The following SCARF1 variants were observed in gnomAD, a reference collection of about 807,000 sequenced individuals.
SCARF1 encodes scavenger receptor class F member 1.
Under a neutral mutation model 76.3 loss-of-function variants are expected in SCARF1, and 49 were observed. The observed-to-expected ratio is 0.64, with a 90% CI of 0.51 to 0.81. The LOEUF (loss-of-function observed/expected upper bound fraction) is 0.81, where lower values mean the gene tolerates loss of function less well. Among genes scored for constraint, SCARF1 ranks in the 40% least tolerant of loss-of-function variants. SCARF1 has a pLI of 0.00. For synonymous variants in SCARF1, 495 were observed against 474.6 expected (o/e 1.04, Z -0.56); for missense variants, 1,098 against 1,143.9 (o/e 0.96, Z 0.58).
At position 1,643,691 on chromosome 17, in the gene SCARF1, C is replaced by A; in HGVS notation, c.542G>T (p.Cys181Phe). 6.9e-7 allele frequency: 1 copy of A among 1,449,556 alleles called. No homozygotes were observed. The allele number at this position is 1,449,556 out of a possible 1,614,324, so 89.8% of individuals were successfully genotyped here. A position where few individuals can be genotyped will look rare whatever the true frequency, so the allele number is the denominator to read the frequency against. The change falls in exon 4 of 11, where the codon TGC becomes TTC. Residue 181 changes from cysteine to phenylalanine, a missense_variant. Transcript: ENST00000263071. Reference protein sequence around the residue: ...RCEQATGACVCKPGWWGRRCS... With the variant: ...RCEQATGACVFKPGWWGRRCS... ...GCGGCGCCCCCACCAGCCCGGCTTGCACACGCAGGCGCCCGTGGCCTGCTC... is the reference window on the plus strand; with the variant it reads ...GCGGCGCCCCCACCAGCCCGGCTTGAACACGCAGGCGCCCGTGGCCTGCTC...
chr17:1,645,297 A>G lies in SCARF1; in HGVS notation c.102-58T>C. ...TGGGGGGTGCAGCCTGGCCCTGAGG[A>G]AGGTGGATCACTGTCTCTGGCTGCA... On this transcript the variant is annotated intron_variant, in intron 1 of 10. Transcript: ENST00000263071. The surrounding 1 kb of genome is among the most constrained non-coding windows in gnomAD (Gnocchi z 6.3). The G allele has an allele frequency of 6.3e-7, 1 of 1,592,198 alleles. No individual in the cohort carries two copies. Among genetic ancestry groups the G allele is most frequent in the Non-Finnish European group, 8.6e-7 (1 of 1,168,128 alleles).
Position 1,644,693 on chromosome 17 carries a change from G to C in SCARF1, c.265+141C>G. ...GAGTGTGTGTCACTTCCTGTCTCTG[G>C]ACCGCAATTCCTCAGTGAAGCTGGG... On this transcript the variant is annotated intron_variant, in intron 3 of 10. Transcript: ENST00000263071. This position sits in a 1 kb window ranked among gnomAD's most constrained non-coding sequence, Gnocchi z 4.8. 1.3e-6 allele frequency: 1 copy of C among 787,742 alleles called. No homozygotes were observed. The highest frequency in any genetic ancestry group is 2.1e-6 in the Non-Finnish European group (1 of 486,358). The allele number at this position is 787,742 out of a possible 1,614,324, so 48.8% of individuals were successfully genotyped here. A position where few individuals can be genotyped will look rare whatever the true frequency, so the allele number is the denominator to read the frequency against.
At chr17:1,643,246 C>T (rs1221058182) in intron 4 of SCARF1, 196 bp downstream of exon 4, 1 of 64,990 alleles carries the variant, frequency 1.5e-5, no homozygotes, top group Non-Finnish European at 2.7e-5. Flanking sequence ...CCTCCCCGCC[C>T]ACCGGTGTCC....
At position 1,635,350 on chromosome 17, in the gene SCARF1, T is replaced by C. The variant is rs953477959; in HGVS notation, c.1901A>G (p.Glu634Gly). Residue 634 changes from glutamate to glycine, a missense_variant, in exon 11 of 11, where the codon GAG (glutamate) becomes GGG (glycine). By Grantham distance (98) the Glu-to-Gly change is moderately conservative. Coordinates refer to ENST00000263071, the MANE Select transcript of SCARF1 (RefSeq NM_003693.4). ...QSGPEGREAE[E>G]STGPEEAEAP... is the part of the protein sequence containing the mutation. ...TTCTGCTTCCTCTGGGCCTGTGGAC[T>C]CTTCGGCTTCCCGGCCCTCAGGACC... 6.2e-7 allele frequency: 1 copy of C among 1,613,024 alleles called. No individual in the cohort carries two copies. Among genetic ancestry groups the C allele is most frequent in the Non-Finnish European group, 8.5e-7 (1 of 1,179,482 alleles).
In SCARF1 at chr17:1,634,689, C is replaced by T. The variant is rs898325284; in HGVS notation, c.*69G>A. ...GGCTCTGGTTTGTCTGTCCTGGCCC[C>T]GGGATCATTTTCCAGCACACAGCAC... On this transcript the variant is annotated 3_prime_UTR_variant, in exon 11 of 11. Coordinates refer to ENST00000263071, the MANE Select transcript of SCARF1 (RefSeq NM_003693.4). 1.3e-6 allele frequency: 2 copies of T among 1,501,486 alleles called. No individual in the cohort carries two copies. The highest frequency in any genetic ancestry group is 1.8e-4 in the Middle Eastern group (1 of 5,590). The allele number at this position is 1,501,486 out of a possible 1,614,324, so 93.0% of individuals were successfully genotyped here.
rs146187410 is a variant in SCARF1 at position 1,640,121 on chromosome 17, G to T, written c.1011-81C>A. On this transcript the variant is annotated intron_variant, in intron 5 of 10. Transcript: ENST00000263071. The surrounding 1 kb of genome is among the most constrained non-coding windows in gnomAD (Gnocchi z 4.7). ...GTGGGGCCCCACCCCTCCGCCCCACGCTCCTGGACTCAAGGACCCAACTGG... is the reference window on the plus strand; with the variant it reads ...GTGGGGCCCCACCCCTCCGCCCCACTCTCCTGGACTCAAGGACCCAACTGG... 1 of 1,512,076 alleles carries T rather than the reference G, an allele frequency of 6.6e-7. No homozygotes were observed. The highest frequency in any genetic ancestry group is 9.0e-7 in the Non-Finnish European group (1 of 1,117,294). The allele number at this position is 1,512,076 out of a possible 1,614,324, so 93.7% of individuals were successfully genotyped here. A position where few individuals can be genotyped will look rare whatever the true frequency, so the allele number is the denominator to read the frequency against.
Position 1,640,173 on chromosome 17 carries a change from G to T in SCARF1, c.1011-133C>A, listed in dbSNP as rs1041181112. 15 of 1,086,766 alleles carry T rather than the reference G, an allele frequency of 1.4e-5. No individual in the cohort carries two copies. In the Admixed American group the frequency reaches 3.0e-4, roughly 22 times the overall value. The allele number at this position is 1,086,766 out of a possible 1,614,324, so 67.3% of individuals were successfully genotyped here. A position where few individuals can be genotyped will look rare whatever the true frequency, so the allele number is the denominator to read the frequency against. ...CACTCCTCAGCAGTGAAGCTCAGGT[G>T]CAAATAGGGCCTTGAACTTGGGGCC... On this transcript the variant is annotated intron_variant, in intron 5 of 10. Transcript: ENST00000263071. This position sits in a 1 kb window ranked among gnomAD's most constrained non-coding sequence, Gnocchi z 4.7.
Position 1,638,854 on chromosome 17 carries a change from G to A in SCARF1, c.1316C>T (p.Ala439Val), listed in dbSNP as rs767433567. 6.2e-7 allele frequency: 1 copy of A among 1,610,964 alleles called. No homozygotes were observed. The highest frequency in any genetic ancestry group is 8.5e-7 in the Non-Finnish European group (1 of 1,178,398). ...GGCCCAGCAGCAGCAGGCACAGCAG[G>A]CAAGGCCCAGGAAGAGCAGCAGCAG... ...VPLLLLFLGL[A>V]CCACCCWAPR... Residue 439 changes from alanine (A) to valine (V), a missense_variant, in exon 8 of 11, where the codon GCC (alanine) becomes GTC (valine). Ala to Val is a moderately conservative substitution (Grantham distance 64, BLOSUM62 0). Coordinates refer to ENST00000263071, the MANE Select transcript of SCARF1 (RefSeq NM_003693.4).
intron 7 of SCARF1, 88 bp downstream of exon 7, chr17:1,639,551 A>G: frequency 1.2e-6 from 1 of 847,130 alleles, no homozygotes; most frequent in South Asian, 1.5e-5. Context: ...GTGGGCCCAG[A>G]CTCCCTGGTG....
At position 1,645,591 on chromosome 17, in the gene SCARF1, A is replaced by T. The variant is rs749325385; in HGVS notation, c.101+6T>A. ...GCCACACGCATCAGACTCCCACGAG[A>T]CCCACCTGCTGGCCACACAGACGTG... On this transcript the variant is annotated splice_donor_region_variant and intron_variant, in intron 1 of 10. Transcript: ENST00000263071. This position sits in a 1 kb window ranked among gnomAD's most constrained non-coding sequence, Gnocchi z 6.3. 4 of 1,602,800 alleles carry T rather than the reference A, an allele frequency of 2.5e-6. No individual in the cohort carries two copies. The highest frequency in any genetic ancestry group is 2.5e-6 in the Non-Finnish European group (3 of 1,177,852).
At position 1,645,007 on chromosome 17, in the gene SCARF1, C is replaced by T. The variant is rs1910414190; in HGVS notation, c.164-72G>A. On this transcript the variant is annotated intron_variant, in intron 2 of 10. Coordinates refer to ENST00000263071, the MANE Select transcript of SCARF1 (RefSeq NM_003693.4). The surrounding 1 kb of genome is among the most constrained non-coding windows in gnomAD (Gnocchi z 6.3). ...GGACACCCCTGCCCTCTCACTGGCT[C>T]CAGGGGCCATGCCTCCTCAAGAGGT... 1 of 1,557,938 alleles carries T rather than the reference C, an allele frequency of 6.4e-7. No individual in the cohort carries two copies. The highest frequency in any genetic ancestry group is 8.8e-7 in the Non-Finnish European group (1 of 1,141,048).
intron 4 of SCARF1, among the ~76,000 whole-genome samples, chr17:1,642,475 A>G (rs1221110144): frequency 6.6e-6 from 1 of 151,588 alleles, no homozygotes; most frequent in Non-Finnish European, 1.5e-5. Context: ...GAGAATGATG[A>G]TTTCCAATTT....
chr17:1,640,175 A>G lies in SCARF1; in HGVS notation c.1011-135T>C. 9.2e-7 allele frequency: 1 copy of G among 1,083,472 alleles called. No individual in the cohort carries two copies. The allele number at this position is 1,083,472 out of a possible 1,614,324, so 67.1% of individuals were successfully genotyped here. A position where few individuals can be genotyped will look rare whatever the true frequency, so the allele number is the denominator to read the frequency against. On this transcript the variant is annotated intron_variant, in intron 5 of 10. Coordinates refer to ENST00000263071, the MANE Select transcript of SCARF1 (RefSeq NM_003693.4). The surrounding 1 kb of genome is among the most constrained non-coding windows in gnomAD (Gnocchi z 4.7). Reference sequence around the variant, plus strand: ...CTCCTCAGCAGTGAAGCTCAGGTGCAAATAGGGCCTTGAACTTGGGGCCAA... The same window carrying G: ...CTCCTCAGCAGTGAAGCTCAGGTGCGAATAGGGCCTTGAACTTGGGGCCAA...
At chr17:1,638,700 C>A in intron 8 of SCARF1, 106 bp downstream of exon 8, 1 of 1,372,964 alleles carries the variant, frequency 7.3e-7, no homozygotes, top group Non-Finnish European at 9.6e-7. Flanking sequence ...CTCTGACCCA[C>A]GTGGGCAACA....
rs7502814 is a variant in SCARF1 at position 1,638,707 on chromosome 17, A to G, written c.1364+99T>C. ...CCCATCACCTCTGACCCACGTGGGC[A>G]ACAAGGCCAGCCCTCCCCACCCCAC... On this transcript the variant is annotated intron_variant, in intron 8 of 10. Transcript: ENST00000263071. 7,276 of 1,054,876 alleles carry G rather than the reference A, an allele frequency of 6.9e-3. 121 individuals are homozygous for G. Among genetic ancestry groups the G allele is most frequent in the African/African-American group, 0.053 (2,250 of 42,526 alleles). 65.3% of individuals were successfully genotyped at this position (1,054,876 alleles called of 1,614,324 possible). A position where few individuals can be genotyped will look rare whatever the true frequency, so the allele number is the denominator to read the frequency against.
Position 1,640,166 on chromosome 17 carries a change from C to T in SCARF1, c.1011-126G>A, listed in dbSNP as rs1275333030. The T allele has an allele frequency of 1.7e-6, 2 of 1,180,644 alleles. No individual in the cohort carries two copies. Among genetic ancestry groups the T allele is most frequent in the African/African-American group, 1.5e-5 (1 of 65,000 alleles). The allele number at this position is 1,180,644 out of a possible 1,614,324, so 73.1% of individuals were successfully genotyped here. ...AACTGGCCACTCCTCAGCAGTGAAG[C>T]TCAGGTGCAAATAGGGCCTTGAACT... On this transcript the variant is annotated intron_variant, in intron 5 of 10. Transcript: ENST00000263071. The surrounding 1 kb of genome is among the most constrained non-coding windows in gnomAD (Gnocchi z 4.7).
rs761516517 is a variant in SCARF1, at chr17:1,635,270, G to A, written c.1981C>T (p.Arg661Trp). 6 of 1,611,736 alleles carry A rather than the reference G, an allele frequency of 3.7e-6. No individual in the cohort carries two copies. The highest frequency in any genetic ancestry group is 2.2e-5 in the East Asian group (1 of 44,882). ...GTCCGGCCACCAAGTGGGGGCCGCCGGTGGCCAGTGGCTGAATCCCCGGGA... is the reference window on the plus strand; with the variant it reads ...GTCCGGCCACCAAGTGGGGGCCGCCAGTGGCCAGTGGCTGAATCCCCGGGA... ...ASPGDSATGH[R>W]RPPLGGRTVA... is the part of the protein sequence containing the mutation. Residue 661 changes from arginine (R) to tryptophan (W), a missense_variant, in exon 11 of 11, where the codon CGG becomes TGG. Coordinates refer to ENST00000263071, the MANE Select transcript of SCARF1 (RefSeq NM_003693.4).
Position 1,635,079 on chromosome 17 carries a change from G to A in SCARF1, c.2172C>T (p.Val724=). The change falls in exon 11 of 11, where the codon GTC becomes GTT. Residue 724 remains valine (V), a synonymous_variant. Transcript: ENST00000263071. ...GCGGAGGCTTAGGGATGGCCCTCTT[G>A]ACCTTGGCTTCCGCCTGGCCTTTCT... ...SFQKGQAEAK[V]KRAIPKPPRQ... 4 of 1,614,000 alleles carry A rather than the reference G, an allele frequency of 2.5e-6. No individual in the cohort carries two copies. Among genetic ancestry groups the A allele is most frequent in the Non-Finnish European group, 3.4e-6 (4 of 1,179,990 alleles).
chr17:1,644,310 G>A lies in SCARF1; in HGVS notation c.266-343C>T, dbSNP rs1331050209. 3.3e-6 allele frequency: 1 copy of A among 307,528 alleles called. No homozygotes were observed. The allele number at this position is 307,528 out of a possible 1,614,324, so 19.0% of individuals were successfully genotyped here. On this transcript the variant is annotated intron_variant, in intron 3 of 10. Transcript: ENST00000263071. This position sits in a 1 kb window ranked among gnomAD's most constrained non-coding sequence, Gnocchi z 4.8. ...TCCCTGCCGAGATGGATCTCTGCTG[G>A]GCTGGAGGAGAGCTGGCTTTCTCCT...
Sources: allele counts gnomAD v4.1 joint callset (sites outside exome capture counted in the v4.1 genomes callset), GRCh38; gene constraint gnomAD v4.1.1; non-coding constraint Gnocchi (gnomAD v3.1); transcripts MANE v1.5; gene names NCBI Gene and HGNC (gene_info 2026-07-23, HGNC 2026-07-21).